The following OPHN1 variants were observed in gnomAD, a reference collection of about 807,000 sequenced individuals.
OPHN1 encodes oligophrenin 1.
Under a neutral mutation model 60.7 loss-of-function variants are expected in OPHN1, and 11 were observed. That is an observed-to-expected ratio of 0.18 (90% CI 0.11 to 0.30). The LOEUF (loss-of-function observed/expected upper bound fraction) is 0.30, where lower values mean the gene tolerates loss of function less well. Among genes scored for constraint, OPHN1 ranks in the 10% least tolerant of loss-of-function variants. OPHN1 has a pLI of 1.00. For synonymous variants in OPHN1, 226 were observed against 222.6 expected (o/e 1.02, Z -0.14); for missense variants, 449 against 611.0 (o/e 0.73, Z 2.80).
At chrX:68,089,338 A>G (rs746455213) in intron 19 of OPHN1, among the ~76,000 whole-genome samples, 2 of 111,559 alleles carry the variant, frequency 1.8e-5, no homozygotes, top group South Asian at 7.6e-4. Flanking sequence ...GATATTTTCG[A>G]TTCTCAAAAA....
At chrX:68,336,590 G>A (rs1209925411) in intron 2 of OPHN1, 2 of 109,663 alleles carry the variant, frequency 1.8e-5, no homozygotes, top group Non-Finnish European at 3.8e-5. Context: ...ATAAACATAT[G>A]TATCTTCTTC....
intron 2 of OPHN1, among the ~76,000 whole-genome samples, chrX:68,431,738 A>T (rs1446542392): frequency 9.0e-6 from 1 of 111,066 alleles, no homozygotes; most frequent in East Asian, 2.9e-4. Context: ...TCGCACTACC[A>T]CTTTCAAATC....
intron 2 of OPHN1, among the ~76,000 whole-genome samples, chrX:68,324,642 A>AT (rs2078251301): frequency 1.8e-5 from 2 of 109,466 alleles, no homozygotes; most frequent in African/African-American, 6.6e-5. Flanking sequence ...AAAAATAAAA[A>AT]TAAATAATAA....
intron 6 of OPHN1, among the ~76,000 whole-genome samples, chrX:68,216,975 G>A (rs1239930453): frequency 1.8e-5 from 2 of 111,932 alleles, no homozygotes; most frequent in Non-Finnish European, 3.8e-5. Flanking sequence ...CAGCGTGAGC[G>A]ACGCAGAAGA....
At chrX:68,130,923 C>T (rs1470622792) in intron 15 of OPHN1, among the ~76,000 whole-genome samples, 5 of 111,187 alleles carry the variant, frequency 4.5e-5, no homozygotes, top group Non-Finnish European at 7.5e-5. Context: ...CCACACAAAG[C>T]GTAAAAATAA....
intron 24 of OPHN1, among the ~76,000 whole-genome samples, chrX:68,047,437 A>G (rs1388771072): frequency 9.0e-6 from 1 of 111,421 alleles, no homozygotes; most frequent in African/African-American, 3.3e-5. Flanking sequence ...TGATACTAGA[A>G]CCTCTGAGAT....
At chrX:68,150,464 T>C (rs1179137722) in intron 15 of OPHN1, among the ~76,000 whole-genome samples, 1 of 112,007 alleles carries the variant, frequency 8.9e-6, no homozygotes, top group Non-Finnish European at 1.9e-5. Context: ...ATCATTATTT[T>C]AATATTAAAA....
chrX:68,101,689 A>T (rs1174623499), intron 18 of OPHN1, among the ~76,000 whole-genome samples: 1 of 112,321 alleles, frequency 8.9e-6, no homozygotes, highest in Non-Finnish European at 1.9e-5. Flanking sequence ...ATGAATTATC[A>T]TTGCCTAGAT....
At chrX:68,060,021 T>G (rs975877899) in intron 21 of OPHN1, among the ~76,000 whole-genome samples, 1 of 111,444 alleles carries the variant, frequency 9.0e-6, no homozygotes, top group Non-Finnish European at 1.9e-5. Flanking sequence ...CCTTTGCATA[T>G]GATTATACCT....
chrX:68,290,330 G>A (rs2078064955), intron 3 of OPHN1, among the ~76,000 whole-genome samples: 1 of 110,991 alleles, frequency 9.0e-6, no homozygotes, highest in South Asian at 3.8e-4. Context: ...CAGGTGCTGT[G>A]GCTCACACCT....
intron 2 of OPHN1, among the ~76,000 whole-genome samples, chrX:68,334,546 T>G (rs1039305551): frequency 9.8e-5 from 11 of 112,403 alleles, no homozygotes; most frequent in African/African-American, 3.6e-4. Flanking sequence ...AATTTCCATA[T>G]AGTTAGACTT....
chrX:68,070,202 T>C (rs1390360429), intron 20 of OPHN1, among the ~76,000 whole-genome samples: 1 of 111,963 alleles, frequency 8.9e-6, no homozygotes, highest in African/African-American at 3.3e-5. Context: ...CTAATCAGGA[T>C]AAGCTACATC....
intron 16 of OPHN1, among the ~76,000 whole-genome samples, chrX:68,118,528 A>G (rs2077136975): frequency 8.9e-6 from 1 of 112,055 alleles, no homozygotes; most frequent in Admixed American, 9.5e-5. Context: ...GCTCAAGAAC[A>G]CAATCATTGA....
At chrX:68,223,885 T>C (rs1276333989) in intron 6 of OPHN1, among the ~76,000 whole-genome samples, 2 of 111,095 alleles carry the variant, frequency 1.8e-5, no homozygotes, top group African/African-American at 6.6e-5. Flanking sequence ...ATAATAAAGA[T>C]GGCAAGACTC....
intron 20 of OPHN1, among the ~76,000 whole-genome samples, chrX:68,065,586 G>T (rs1318340920): frequency 8.9e-6 from 1 of 111,878 alleles, no homozygotes; most frequent in South Asian, 3.8e-4. Context: ...CAGGTGGCCA[G>T]GTCTGAATCT....
At chrX:68,213,085 C>T (rs1052944063) in intron 7 of OPHN1, among the ~76,000 whole-genome samples, 4 of 112,230 alleles carry the variant, frequency 3.6e-5, no homozygotes, top group East Asian at 2.8e-4. Context: ...ATCAAATACA[C>T]GGGCTGGGTA....
chrX:68,102,808 C>T (rs1329512063), intron 18 of OPHN1, among the ~76,000 whole-genome samples: 5 of 111,453 alleles, frequency 4.5e-5, no homozygotes, highest in Non-Finnish European at 9.4e-5. Context: ...CACCTACACC[C>T]TCCCAAGACT....
intron 18 of OPHN1, among the ~76,000 whole-genome samples, chrX:68,101,326 C>T (rs2077057938): frequency 8.9e-6 from 1 of 112,112 alleles, no homozygotes; most frequent in African/African-American, 3.2e-5. Flanking sequence ...ATTACAAGTT[C>T]ATGCATATGG....
chrX:68,118,310 T>C (rs2077136028), intron 16 of OPHN1, among the ~76,000 whole-genome samples: 1 of 112,118 alleles, frequency 8.9e-6, no homozygotes, highest in Non-Finnish European at 1.9e-5. Flanking sequence ...TGTAAACAAC[T>C]AGCCGTAGCC....
Sources: allele counts gnomAD v4.1 joint callset (sites outside exome capture counted in the v4.1 genomes callset), GRCh38; gene constraint gnomAD v4.1.1; transcripts MANE v1.5; gene names NCBI Gene and HGNC (gene_info 2026-07-23, HGNC 2026-07-21).